The following NHSL1 variants were observed in gnomAD, a reference collection of about 807,000 sequenced individuals.
The protein encoded by NHSL1 is NHS-like protein 1.
In NHSL1, 48 loss-of-function variants were observed where a neutral mutation model predicts 95.0. The observed-to-expected ratio is 0.51, with a 90% CI of 0.40 to 0.64. The LOEUF (loss-of-function observed/expected upper bound fraction) is 0.64, where lower values mean the gene tolerates loss of function less well. Among genes scored for constraint, NHSL1 ranks in the 30% least tolerant of loss-of-function variants. The pLI is 0.00. For synonymous variants in NHSL1, 783 were observed against 833.9 expected (o/e 0.94, Z 1.05); for missense variants, 1,971 against 2,077.7 (o/e 0.95, Z 1.00).
intron 1 of NHSL1, among the ~76,000 whole-genome samples, chr6:138,539,507 G>A (rs1424680190): frequency 2.0e-5 from 3 of 152,170 alleles, no homozygotes; most frequent in Non-Finnish European, 4.4e-5. Flanking sequence ...TAACTAGAAG[G>A]AGTTCAATAT....
chr6:138,463,274 T>TAAA (rs1266008045), intron 3 of NHSL1, among the ~76,000 whole-genome samples: 3 of 152,102 alleles, frequency 2.0e-5, no homozygotes, highest in African/African-American at 7.2e-5. Flanking sequence ...TCAGATCATG[T>TAAA]TACTTCCCTG....
At chr6:138,529,150 A>G (rs1782032312) in intron 1 of NHSL1, among the ~76,000 whole-genome samples, 1 of 152,072 alleles carries the variant, frequency 6.6e-6, no homozygotes, top group Non-Finnish European at 1.5e-5. Flanking sequence ...TCTGAGACAC[A>G]CTCCGGAGCT....
chr6:138,600,783 A>G (rs1289536440), intron 1 of NHSL1, among the ~76,000 whole-genome samples: 1 of 152,170 alleles, frequency 6.6e-6, no homozygotes, highest in Non-Finnish European at 1.5e-5. Flanking sequence ...TTAATTTGTG[A>G]GAGAAGAAAC....
Position 138,496,245 on chromosome 6 carries a change from T to A in NHSL1, c.185A>T (p.Lys62Met). ...CCTCAGTACTGATTTGAGGTTGAGC[T>A]TGGCTTGGCGGTGCAGGTCCTCAAC... is the stretch of plus-strand genomic sequence containing the variant. The part of the protein sequence containing the change: ...PCVEDLHRQA[K>M]LNLKSVLREC... The change falls in exon 2 of 8, where the codon AAG becomes ATG. Residue 62 changes from lysine to methionine, a missense_variant. Physicochemically the swap from Lys to Met is moderately conservative, Grantham distance 95 (BLOSUM62 -1). Coordinates refer to ENST00000343505, the MANE Select transcript of NHSL1 (RefSeq NM_001144060.2). 7 of 1,550,994 alleles carry A rather than the reference T, an allele frequency of 4.5e-6. No individual in the cohort carries two copies. Among genetic ancestry groups the A allele is most frequent in the Non-Finnish European group, 6.1e-6 (7 of 1,146,770 alleles).
At chr6:138,522,379 C>T (rs1201147646) in intron 1 of NHSL1, among the ~76,000 whole-genome samples, 3 of 152,216 alleles carry the variant, frequency 2.0e-5, no homozygotes, top group African/African-American at 7.2e-5. Flanking sequence ...TGGTGGCTCA[C>T]GCCTGTAATC....
intron 3 of NHSL1, among the ~76,000 whole-genome samples, chr6:138,461,339 A>C (rs1007091976): frequency 2.0e-5 from 3 of 152,188 alleles, no homozygotes; most frequent in African/African-American, 7.2e-5. Context: ...TCACCCAAGG[A>C]GTCAGACTGC....
At chr6:138,574,602 G>C (rs1024075730), upstream of NHSL1, among the ~76,000 whole-genome samples, 2 of 149,174 alleles carry the variant, frequency 1.3e-5, no homozygotes, top group Admixed American at 1.3e-4. Context: ...CAAGGTAGAT[G>C]AATCGTTTGA....
At chr6:138,429,977 G>A (rs1028088542) in intron 6 of NHSL1, 134 bp from the exon 7 acceptor site, 3 of 843,348 alleles carry the variant, frequency 3.6e-6, no homozygotes, top group Non-Finnish European at 5.3e-6. Context: ...TGGGTCTGTA[G>A]TTTGATAGTT....
At chr6:138,476,978 A>G (rs868727399) in intron 2 of NHSL1, among the ~76,000 whole-genome samples, 64 of 143,596 alleles carry the variant, frequency 4.5e-4, no homozygotes, top group South Asian at 3.4e-3. Flanking sequence ...AAAAAAAAAA[A>G]AAAAGACTCA....
chr6:138,445,213 A>G (rs540149102), intron 4 of NHSL1, among the ~76,000 whole-genome samples: 2 of 152,272 alleles, frequency 1.3e-5, no homozygotes, highest in East Asian at 3.9e-4. Flanking sequence ...TCCATTAAGG[A>G]TTGTCATATT....
chr6:138,662,693 A>T (rs373189573), intron 1 of NHSL1, among the ~76,000 whole-genome samples: 8 of 152,198 alleles, frequency 5.3e-5, no homozygotes, highest in African/African-American at 1.9e-4. Context: ...TTGTTCAAAC[A>T]AGCATGGATA....
intron 1 of NHSL1, among the ~76,000 whole-genome samples, chr6:138,532,437 G>A (rs1394671585): frequency 1.3e-5 from 2 of 152,176 alleles, no homozygotes; most frequent in African/African-American, 2.4e-5. Context: ...CCTAGGATCC[G>A]TGAGTCAGGA....
At chr6:138,554,173 T>C (rs988739081) in intron 1 of NHSL1, among the ~76,000 whole-genome samples, 1 of 152,248 alleles carries the variant, frequency 6.6e-6, no homozygotes, top group Non-Finnish European at 1.5e-5. Context: ...ATGTGTATTA[T>C]ATTTCAGAGG....
intron 3 of NHSL1, chr6:138,464,176 C>T: frequency 1.5e-6 from 1 of 677,466 alleles, no homozygotes; most frequent in Non-Finnish European, 2.5e-6. Context: ...TACAGTTATA[C>T]CTGGGCACCA....
chr6:138,650,426 C>T (rs2114706673), intron 1 of NHSL1: 1 of 1,411,038 alleles, frequency 7.1e-7, no homozygotes, highest in South Asian at 1.2e-5. Context: ...TCAGCATGCT[C>T]ACTGCAATCC....
rs1383758655 is a variant in NHSL1, at chr6:138,692,007, C to T, written c.96+469G>A. The T allele has an allele frequency of 1.1e-5, 5 of 456,694 alleles. No homozygotes were observed. The highest frequency in any genetic ancestry group is 9.4e-5 in the Admixed American group (4 of 42,580). 28.3% of individuals were successfully genotyped at this position (456,694 alleles called of 1,614,324 possible). A position where few individuals can be genotyped will look rare whatever the true frequency, so the allele number is the denominator to read the frequency against. On this transcript the variant is annotated intron_variant, in intron 1 of 3. Transcript: ENST00000491526. The surrounding 1 kb of genome is among the most constrained non-coding windows in gnomAD (Gnocchi z 4.0). Reference sequence around the variant, plus strand: ...AGAGAGGTGGCAAGCAGCCCCAACGCTCGCCGAGATCCCCAGGGTTTTACA... The same window carrying T: ...AGAGAGGTGGCAAGCAGCCCCAACGTTCGCCGAGATCCCCAGGGTTTTACA...
At chr6:138,527,766 G>C (rs1781970835) in intron 1 of NHSL1, among the ~76,000 whole-genome samples, 1 of 152,216 alleles carries the variant, frequency 6.6e-6, no homozygotes, top group Non-Finnish European at 1.5e-5. Flanking sequence ...GTAGTTAACA[G>C]TTCCTGGGTC....
chr6:138,689,959 T>G (rs530745410), intron 1 of NHSL1, among the ~76,000 whole-genome samples: 1 of 152,304 alleles, frequency 6.6e-6, no homozygotes, highest in East Asian at 1.9e-4. Context: ...CACACTCTTC[T>G]AAAGGGAAGG....
intron 1 of NHSL1, among the ~76,000 whole-genome samples, chr6:138,597,152 T>C (rs1784312880): frequency 6.6e-6 from 1 of 152,012 alleles, no homozygotes; most frequent in Non-Finnish European, 1.5e-5. Context: ...CAGAGTGAGA[T>C]TCTGTCTCAA....
Sources: gnomAD v4.1 joint callset for allele counts (sites outside exome capture counted in the v4.1 genomes callset) on GRCh38, gnomAD v4.1.1 for gene constraint, Gnocchi (gnomAD v3.1) non-coding constraint, MANE v1.5 for transcripts, NCBI Gene and HGNC (gene_info 2026-07-23, HGNC 2026-07-21) for gene names.